Variants in AIG1 observed in about 807,000 individuals in gnomAD.
AIG1 encodes androgen induced 1, also known as androgen-induced gene 1 protein.
A neutral mutation model predicts 31.4 loss-of-function variants in AIG1; 23 were observed. The observed-to-expected ratio is 0.73, with a 90% CI of 0.53 to 1.04. The LOEUF is 1.04. AIG1 is among the 50% of genes least tolerant of loss of function. The probability of loss-of-function intolerance (pLI) is 0.00; values close to 1 mark genes in which losing one functional copy is unlikely to be tolerated. For synonymous variants in AIG1, 100 were observed against 110.5 expected, an observed-to-expected ratio of 0.90 and a Z score of 0.60; for missense variants, 274 against 295.0, an observed-to-expected ratio of 0.93 and a Z score of 0.52.
intron 4 of AIG1, among the ~76,000 whole-genome samples, chr6:143,305,048 T>A (rs1358908465): frequency 6.6e-6 from 1 of 152,218 alleles, no homozygotes; most frequent in Non-Finnish European, 1.5e-5. Context: ...TGGTAGTTTG[T>A]GTTTCTGTGG....
chr6:143,191,374 CTAAT>C (rs1789773576), intron 3 of AIG1, among the ~76,000 whole-genome samples: 2 of 151,998 alleles, frequency 1.3e-5, no homozygotes, highest in Admixed American at 1.3e-4. Context: ...TGATCTGTAA[CTAAT>C]TAAAGACTGC....
chr6:143,175,220 C>G (rs1334934371), intron 3 of AIG1, among the ~76,000 whole-genome samples: 1 of 152,180 alleles, frequency 6.6e-6, no homozygotes, highest in Non-Finnish European at 1.5e-5. Context: ...ATGCTTTTGC[C>G]TCACAGCTCT....
At chr6:143,313,902 T>G (rs944484254) in intron 4 of AIG1, among the ~76,000 whole-genome samples, 3 of 151,976 alleles carry the variant, frequency 2.0e-5, no homozygotes, top group Non-Finnish European at 1.5e-5. Flanking sequence ...GCTAACATGT[T>G]TAAACTAAGA....
intron 1 of AIG1, among the ~76,000 whole-genome samples, chr6:143,061,796 G>A (rs1044760940): frequency 3.9e-5 from 6 of 152,198 alleles, no homozygotes; most frequent in African/African-American, 1.4e-4. Context: ...GTTATTATTA[G>A]TATATCATTT....
intron 1 of AIG1, among the ~76,000 whole-genome samples, chr6:143,118,853 CAAAG>C (rs1781981200): frequency 6.7e-6 from 1 of 150,100 alleles, no homozygotes; most frequent in South Asian, 2.1e-4. Flanking sequence ...GAGAGTGTCC[CAAAG>C]AAAGAATTTT....
Position 143,333,478 on chromosome 6 carries a change from G to A in AIG1, c.679+33G>A, listed in dbSNP as rs1338540566. On this transcript the variant is annotated intron_variant, in intron 5 of 5. Transcript: ENST00000357847. The surrounding 1 kb of genome is among the most constrained non-coding windows in gnomAD (Gnocchi z 4.6). ...TTGTCTGAGGGAACATAAAACAAGA[G>A]AATTACTGCCGGCAACAGTCTATGC... 1 of 1,605,604 alleles carries A rather than the reference G, an allele frequency of 6.2e-7. No individual in the cohort carries two copies. Among genetic ancestry groups the A allele is most frequent in the Admixed American group, 1.7e-5 (1 of 58,210 alleles).
chr6:143,190,345 T>G, intron 3 of AIG1: 1 of 985,340 alleles, frequency 1.0e-6, no homozygotes, highest in Non-Finnish European at 1.2e-6. Context: ...TTGAGGCTCC[T>G]CATGCCCTTG....
chr6:143,143,358 G>A (rs989037574), intron 2 of AIG1, among the ~76,000 whole-genome samples: 10 of 149,480 alleles, frequency 6.7e-5, no homozygotes, highest in East Asian at 3.9e-4. Flanking sequence ...AAAATTAGCC[G>A]GGCTTGGTGG....
intron 3 of AIG1, among the ~76,000 whole-genome samples, chr6:143,253,884 A>G (rs925694876): frequency 1.1e-4 from 17 of 152,216 alleles, no homozygotes; most frequent in African/African-American, 3.4e-4. Context: ...CTTTCCCTAC[A>G]GCACAATATG....
chr6:143,103,332 G>C (rs1432377656), intron 1 of AIG1, among the ~76,000 whole-genome samples: 1 of 152,048 alleles, frequency 6.6e-6, no homozygotes, highest in Non-Finnish European at 1.5e-5. Flanking sequence ...ACATTGATTA[G>C]CTAAATTAAG....
At chr6:143,071,966 T>G (rs1777327631) in intron 1 of AIG1, among the ~76,000 whole-genome samples, 1 of 151,914 alleles carries the variant, frequency 6.6e-6, no homozygotes, top group Non-Finnish European at 1.5e-5. Context: ...TTTTAAATTT[T>G]TTTTTTGTGC....
intron 3 of AIG1, among the ~76,000 whole-genome samples, chr6:143,184,837 G>A (rs898005315): frequency 1.3e-5 from 2 of 152,096 alleles, no homozygotes; most frequent in South Asian, 2.1e-4. Flanking sequence ...TTCTTTATCC[G>A]GGTCTTGTGG....
intron 4 of AIG1, among the ~76,000 whole-genome samples, chr6:143,302,774 G>C (rs1245444503): frequency 6.6e-6 from 1 of 152,276 alleles, no homozygotes. Context: ...GGCATTTCTA[G>C]TTCTAGATCC....
intron 1 of AIG1, among the ~76,000 whole-genome samples, chr6:143,062,363 A>G (rs1300407919): frequency 6.6e-6 from 1 of 152,084 alleles, no homozygotes; most frequent in African/African-American, 2.4e-5. Flanking sequence ...GCTTGAAACT[A>G]ATTTCCCTCT....
intron 3 of AIG1, chr6:143,188,788 A>G (rs1389448531): frequency 3.0e-6 from 3 of 985,314 alleles, no homozygotes; most frequent in Non-Finnish European, 3.6e-6. Context: ...ATACATCTGT[A>G]AGACCAGGGA....
chr6:143,059,248 C>T (rs1341554706), upstream of AIG1, among the ~76,000 whole-genome samples: 5 of 152,164 alleles, frequency 3.3e-5, no homozygotes, highest in Admixed American at 2.0e-4. Flanking sequence ...GCTGTGGAAG[C>T]TTTGTCCTTT....
At chr6:143,184,068 T>A (rs889629549) in intron 3 of AIG1, among the ~76,000 whole-genome samples, 3 of 152,242 alleles carry the variant, frequency 2.0e-5, no homozygotes, top group Non-Finnish European at 4.4e-5. Context: ...AATCCTAAAC[T>A]TGTGATTCTA....
intron 4 of AIG1, among the ~76,000 whole-genome samples, chr6:143,294,224 C>G (rs1239340518): frequency 2.6e-5 from 4 of 152,238 alleles, no homozygotes; most frequent in Admixed American, 1.3e-4. Flanking sequence ...CAATCAGCAT[C>G]TGAACACACT....
chr6:143,061,894 A>G (rs1776293150), intron 1 of AIG1, among the ~76,000 whole-genome samples: 2 of 152,366 alleles, frequency 1.3e-5, no homozygotes, highest in Admixed American at 6.5e-5. Context: ...TAATGAACTC[A>G]TGGATGGACC....
Sources: allele counts gnomAD v4.1 joint callset (sites outside exome capture counted in the v4.1 genomes callset), GRCh38; gene constraint gnomAD v4.1.1; non-coding constraint Gnocchi (gnomAD v3.1); transcripts MANE v1.5; gene names NCBI Gene and HGNC (gene_info 2026-07-23, HGNC 2026-07-21).